The following TIAM1 variants were observed in gnomAD, a reference collection of about 807,000 sequenced individuals.
The protein encoded by TIAM1 is TIAM Rac1 associated GEF 1.
A neutral mutation model predicts 163.5 loss-of-function variants in TIAM1; 65 were observed. The ratio of observed to expected loss-of-function variants is 0.40; its 90% CI spans 0.33 to 0.49. TIAM1 has a LOEUF of 0.49. Ranked by LOEUF, TIAM1 falls within the 20% of genes least tolerant of loss-of-function variation. The pLI, the probability that TIAM1 is intolerant of heterozygous loss-of-function variation, is 0.77. For missense variants in TIAM1, 1,789 were observed against 2,044.7 expected, an observed-to-expected ratio of 0.87 and a Z score of 2.41; for synonymous variants, 833 against 810.1, an observed-to-expected ratio of 1.03 and a Z score of -0.48.
intron 12 of TIAM1, among the ~76,000 whole-genome samples, chr21:31,202,139 C>T (rs1431245217): frequency 6.6e-6 from 1 of 151,954 alleles, no homozygotes; most frequent in Non-Finnish European, 1.5e-5. Flanking sequence ...TAGATGGCAG[C>T]TTTTTTCACC....
intron 16 of TIAM1, chr21:31,160,800 G>C (rs2083878676): frequency 3.2e-6 from 1 of 311,172 alleles, no homozygotes; most frequent in South Asian, 1.6e-4. Flanking sequence ...CTGTGGACCA[G>C]AACTCAGGCT....
chr21:31,467,069 T>C (rs1015841159), intron 1 of TIAM1, among the ~76,000 whole-genome samples: 3 of 151,686 alleles, frequency 2.0e-5, no homozygotes, highest in African/African-American at 4.9e-5. Flanking sequence ...TAAACTACCC[T>C]AGCAAAGTTA....
At chr21:31,341,975 G>A (rs552051570) in intron 1 of TIAM1, among the ~76,000 whole-genome samples, 8 of 152,100 alleles carry the variant, frequency 5.3e-5, no homozygotes, top group East Asian at 3.9e-4. Flanking sequence ...TACAAATAAC[G>A]CCATGAATGA....
At chr21:31,520,908 G>A (rs1242463059) in intron 1 of TIAM1, among the ~76,000 whole-genome samples, 2 of 152,206 alleles carry the variant, frequency 1.3e-5, no homozygotes, top group African/African-American at 4.8e-5. Flanking sequence ...TTTTCCGTAA[G>A]GTGAAAGAAC....
chr21:31,290,383 T>C (rs562365587), intron 2 of TIAM1, among the ~76,000 whole-genome samples: 2 of 152,040 alleles, frequency 1.3e-5, no homozygotes, highest in East Asian at 3.9e-4. Flanking sequence ...CCTATAATTC[T>C]ATCACTTTGA....
rs370745701 is a variant in TIAM1 at position 31,163,832 on chromosome 21, T to C, written c.2991+1130A>G. ...ATGAGAAAACAAAAGTATACAGTTATGTGATTTGCTTAGGTTAAGTGACTA... is the reference window on the plus strand; with the variant it reads ...ATGAGAAAACAAAAGTATACAGTTACGTGATTTGCTTAGGTTAAGTGACTA... On this transcript the variant is annotated intron_variant, in intron 16 of 27. Coordinates refer to ENST00000541036, the MANE Select transcript of TIAM1 (RefSeq NM_001353694.2). Among the ~76,000 whole-genome samples the C allele has an allele frequency of 3.9e-3, 596 of 152,316 alleles. 39 individuals are homozygous for C. The South Asian group carries it at 0.12, about 30-fold the overall frequency.
intron 2 of TIAM1, among the ~76,000 whole-genome samples, chr21:31,433,675 T>C (rs2044117248): frequency 1.3e-5 from 2 of 152,266 alleles, no homozygotes; most frequent in South Asian, 4.1e-4. Flanking sequence ...GGTAATTGAC[T>C]TATACTCTGA....
rs562921160 is a variant in TIAM1 at position 31,407,629 on chromosome 21, A to ATTTTT, written c.-369+56349_-369+56353dup. Among the ~76,000 whole-genome samples, 804 of 94,078 alleles carry ATTTTT rather than the reference A, an allele frequency of 8.5e-3. 22 individuals carry two copies. The highest frequency in any genetic ancestry group is 0.023 in the African/African-American group (544 of 24,134). 61.7% of individuals were successfully genotyped at this position (94,078 alleles called of 152,430 possible). A position where few individuals can be genotyped will look rare whatever the true frequency, so the allele number is the denominator to read the frequency against. ...TTTTCAAATGAGTCATTTGCTCTTA[A>ATTTTT]TTTTTTTTTTTTTTTTTTTTTTTTT... is the stretch of plus-strand genomic sequence containing the variant. On this transcript the variant is annotated intron_variant, in intron 2 of 28. Transcript: ENST00000286827.
At chr21:31,545,292 C>G (rs946519795) in intron 1 of TIAM1, among the ~76,000 whole-genome samples, 17 of 152,116 alleles carry the variant, frequency 1.1e-4, no homozygotes, top group African/African-American at 3.9e-4. Flanking sequence ...CTGGAAGAGG[C>G]AAGAAAAGAA....
chr21:31,444,715 C>A (rs989612915), intron 2 of TIAM1, among the ~76,000 whole-genome samples: 2 of 152,078 alleles, frequency 1.3e-5, no homozygotes, highest in African/African-American at 4.8e-5. Flanking sequence ...GAAGAGAACG[C>A]AGGCCAGGCG....
At chr21:31,402,536 C>A (rs117778057) in intron 2 of TIAM1, among the ~76,000 whole-genome samples, 1 of 152,176 alleles carries the variant, frequency 6.6e-6, no homozygotes, top group Non-Finnish European at 1.5e-5. Context: ...TTTCCCATAT[C>A]CCTTCAGTAA....
At chr21:31,315,679 CAAA>C (rs58560437) in intron 2 of TIAM1, among the ~76,000 whole-genome samples, 3,278 of 80,230 alleles carry the variant, frequency 0.041, 191 homozygotes, top group African/African-American at 0.14. Flanking sequence ...AACTCCATCT[CAAA>C]AAAAAAAAAA....
chr21:31,510,828 CA>C lies in TIAM1; in HGVS notation c.-421-46794del, dbSNP rs977591396. On this transcript the variant is annotated intron_variant, in intron 1 of 28. Coordinates refer to the TIAM1 transcript ENST00000286827. ...AAACTCCATCTCAAAAAAAAAAAAA[CA>C]AAAAAAACTGTTTACTTTTTATGAT... Among the ~76,000 whole-genome samples, 8 of 144,876 alleles carry C rather than the reference CA, an allele frequency of 5.5e-5. No homozygotes were observed. The East Asian group carries it at 1.0e-3, about 19-fold the overall frequency.
At chr21:31,466,919 A>C (rs2045554626) in intron 1 of TIAM1, among the ~76,000 whole-genome samples, 1 of 152,010 alleles carries the variant, frequency 6.6e-6, no homozygotes, top group East Asian at 1.9e-4. Flanking sequence ...TCATGAAGAC[A>C]ATGAGGCTTT....
rs542712776 is a variant in TIAM1 at position 31,183,443 on chromosome 21, A to T, written c.2663-798T>A. On this transcript the variant is annotated intron_variant, in intron 14 of 27. Transcript: ENST00000541036. ...GGAAGAACATGAAAGAAAATAAAAT[A>T]ATCCTTTCAGCTAGGGAGAGAAAAG... Among the ~76,000 whole-genome samples the T allele has an allele frequency of 1.8e-4, 27 of 152,316 alleles. No individual in the cohort carries two copies. The South Asian group carries it at 5.4e-3, about 30-fold the overall frequency.
At chr21:31,341,743 C>T (rs2076023911) in intron 1 of TIAM1, among the ~76,000 whole-genome samples, 1 of 152,172 alleles carries the variant, frequency 6.6e-6, no homozygotes, top group Non-Finnish European at 1.5e-5. Flanking sequence ...ACATGGTGTC[C>T]TCCTACTTGC....
chr21:31,307,408 A>G (rs1321292623), intron 2 of TIAM1, among the ~76,000 whole-genome samples: 1 of 152,140 alleles, frequency 6.6e-6, no homozygotes, highest in Non-Finnish European at 1.5e-5. Context: ...TCCTGCATCC[A>G]AGAGTCCCAG....
chr21:31,313,567 G>A (rs1440391845), intron 2 of TIAM1, among the ~76,000 whole-genome samples: 1 of 152,082 alleles, frequency 6.6e-6, no homozygotes, highest in Non-Finnish European at 1.5e-5. Context: ...AAATTCAGGA[G>A]TTCAATAGAG....
At chr21:31,547,203 A>G (rs2048528093) in intron 1 of TIAM1, among the ~76,000 whole-genome samples, 1 of 149,758 alleles carries the variant, frequency 6.7e-6, no homozygotes, top group African/African-American at 2.6e-5. Flanking sequence ...AAGAATGGGC[A>G]GTTAACTGGG....
Sources: allele counts gnomAD v4.1 joint callset (sites outside exome capture counted in the v4.1 genomes callset), GRCh38; gene constraint gnomAD v4.1.1; transcripts MANE v1.5; gene names NCBI Gene and HGNC (gene_info 2026-07-23, HGNC 2026-07-21).